BTBD9: variants seen among roughly 807,000 people sequenced by gnomAD.
BTBD9 encodes the protein BTB domain containing 9.
A neutral mutation model predicts 64.3 loss-of-function variants in BTBD9; 49 were observed. The ratio of observed to expected loss-of-function variants is 0.76; its 90% confidence interval spans 0.61 to 0.97. The LOEUF (loss-of-function observed/expected upper bound fraction) is 0.97. Among genes scored for constraint, BTBD9 ranks in the 50% least tolerant of loss-of-function variants. The pLI is 0.00. For synonymous variants in BTBD9, 260 were observed against 274.7 expected, an observed-to-expected ratio of 0.95 and a Z score of 0.53; for missense variants, 598 against 762.1, an observed-to-expected ratio of 0.78 and a Z score of 2.53.
chr6:38,280,407 A>T (rs1408687016), intron 8 of BTBD9, among the ~76,000 whole-genome samples: 1 of 152,222 alleles, frequency 6.6e-6, no homozygotes, highest in African/African-American at 2.4e-5. Context: ...ACAAGGAAGA[A>T]TTCCTTGGTT....
rs1766635117 is a variant in BTBD9 at position 38,168,961 on chromosome 6, G to C, written c.*6024C>G. On this transcript the variant is annotated 3_prime_UTR_variant, in exon 11 of 11. Coordinates refer to ENST00000481247, the MANE Select transcript of BTBD9 (RefSeq NM_001099272.2). Reference sequence around the variant, plus strand: ...AGGACCAGGGAGCGTGTGATGGAGAGATTTCTCACTGTTCTTCTGAGGGGG... The same window carrying C: ...AGGACCAGGGAGCGTGTGATGGAGACATTTCTCACTGTTCTTCTGAGGGGG... The C allele has an allele frequency of 6.6e-6, 1 of 152,376 alleles. No homozygotes were observed. Among genetic ancestry groups the C allele is most frequent in the South Asian group, 2.1e-4 (1 of 4,834 alleles). The allele number at this position is 152,376 out of a possible 1,614,324, so 9.4% of individuals were successfully genotyped here. A position where few individuals can be genotyped will look rare whatever the true frequency, so the allele number is the denominator to read the frequency against.
chr6:38,205,770 G>GCTA (rs1008248547), intron 9 of BTBD9, among the ~76,000 whole-genome samples: 1 of 151,264 alleles, frequency 6.6e-6, no homozygotes, highest in African/African-American at 2.4e-5. Flanking sequence ...TGTACTCCAA[G>GCTA]CTACTCAGGA....
intron 6 of BTBD9, among the ~76,000 whole-genome samples, chr6:38,525,545 G>T (rs190583006): frequency 1.4e-3 from 217 of 152,372 alleles, no homozygotes; most frequent in African/African-American, 4.9e-3. Context: ...GGGCTCAGAA[G>T]AAGACAGGAA....
intron 6 of BTBD9, among the ~76,000 whole-genome samples, chr6:38,563,589 C>T (rs764787921): frequency 4.6e-5 from 7 of 152,182 alleles, no homozygotes; most frequent in African/African-American, 7.2e-5. Flanking sequence ...AGCTCTTTAA[C>T]GTGCCCCACA....
intron 9 of BTBD9, among the ~76,000 whole-genome samples, chr6:38,251,093 AAAT>A (rs554465479): frequency 2.7e-5 from 4 of 149,166 alleles, no homozygotes; most frequent in African/African-American, 7.4e-5. Context: ...GAAAAAAAAA[AAAT>A]AATAATAATA....
intron 7 of BTBD9, among the ~76,000 whole-genome samples, chr6:38,302,425 T>C (rs1361512189): frequency 6.7e-6 from 1 of 150,120 alleles, no homozygotes; most frequent in Non-Finnish European, 1.5e-5. Context: ...TTCTTCCATG[T>C]TGCTGCAAAT....
At chr6:38,608,608 G>T (rs1446164284) in intron 1 of BTBD9, among the ~76,000 whole-genome samples, 2 of 152,152 alleles carry the variant, frequency 1.3e-5, no homozygotes, top group Non-Finnish European at 2.9e-5. Flanking sequence ...TACTGTCTGT[G>T]TAAAGGAAAT....
intron 6 of BTBD9, among the ~76,000 whole-genome samples, chr6:38,522,774 T>C (rs996486036): frequency 1.3e-5 from 2 of 152,174 alleles, no homozygotes; most frequent in African/African-American, 2.4e-5. Flanking sequence ...AATCTAACGA[T>C]GTCTGAAAAG....
At chr6:38,549,559 A>C (rs1398260937) in intron 6 of BTBD9, among the ~76,000 whole-genome samples, 1 of 152,172 alleles carries the variant, frequency 6.6e-6, no homozygotes, top group East Asian at 1.9e-4. Flanking sequence ...GAGAAAAGCA[A>C]TCCAAAATGA....
At chr6:38,436,916 G>A (rs1363947456) in intron 6 of BTBD9, among the ~76,000 whole-genome samples, 1 of 152,184 alleles carries the variant, frequency 6.6e-6, no homozygotes, top group Non-Finnish European at 1.5e-5. Context: ...GATGATGATA[G>A]TTGTAGTCAT....
At chr6:38,361,429 G>T (rs914371984) in intron 6 of BTBD9, among the ~76,000 whole-genome samples, 1 of 152,090 alleles carries the variant, frequency 6.6e-6, no homozygotes, top group Non-Finnish European at 1.5e-5. Flanking sequence ...CATGGCTATA[G>T]TCCTAGCTAC....
chr6:38,265,400 T>C (rs1044188760), intron 8 of BTBD9, among the ~76,000 whole-genome samples: 1 of 151,832 alleles, frequency 6.6e-6, no homozygotes, highest in Non-Finnish European at 1.5e-5. Context: ...TATCTGAAAG[T>C]GGAAAAATAT....
intron 8 of BTBD9, among the ~76,000 whole-genome samples, chr6:38,257,933 T>A (rs1764651796): frequency 6.6e-6 from 1 of 151,744 alleles, no homozygotes; most frequent in African/African-American, 2.4e-5. Context: ...GAGCTATACA[T>A]AAAAGATCTG....
intron 6 of BTBD9, among the ~76,000 whole-genome samples, chr6:38,348,576 C>T (rs533801170): frequency 7.9e-5 from 12 of 152,248 alleles, no homozygotes; most frequent in African/African-American, 1.7e-4. Context: ...TGAGGATGAA[C>T]GCTGTCCACG....
At chr6:38,619,275 C>A (rs1777903950) in intron 1 of BTBD9, among the ~76,000 whole-genome samples, 1 of 152,114 alleles carries the variant, frequency 6.6e-6, no homozygotes, top group Admixed American at 6.5e-5. Flanking sequence ...TTAAACCTGG[C>A]AACCTTGGTA....
At chr6:38,349,052 C>T (rs1489393749) in intron 6 of BTBD9, among the ~76,000 whole-genome samples, 1 of 152,144 alleles carries the variant, frequency 6.6e-6, no homozygotes, top group Non-Finnish European at 1.5e-5. Flanking sequence ...GGACTACAGG[C>T]ATGCACCACC....
At chr6:38,449,016 TAAA>T (rs1243496780) in intron 6 of BTBD9, among the ~76,000 whole-genome samples, 1 of 151,934 alleles carries the variant, frequency 6.6e-6, no homozygotes, top group Non-Finnish European at 1.5e-5. Flanking sequence ...ACAAAGGTCA[TAAA>T]AAAACTGGAA....
intron 6 of BTBD9, among the ~76,000 whole-genome samples, chr6:38,518,211 C>T (rs1392824322): frequency 6.6e-6 from 1 of 152,084 alleles, no homozygotes; most frequent in Non-Finnish European, 1.5e-5. Flanking sequence ...CAGGCATTTT[C>T]ATTAAGGAAT....
At position 38,374,298 on chromosome 6, in the gene BTBD9, T is replaced by TACAC. The variant is rs1562095358; in HGVS notation, c.1155-29206_1155-29205insGTGT. On this transcript the variant is annotated intron_variant, in intron 6 of 10. Transcript: ENST00000481247. ...AAAAAAAAAAGTATATATATATATG[T>TACAC]ATATATATGTATATATATATATATA... is the stretch of plus-strand genomic sequence containing the variant. 3.9e-4 allele frequency among the ~76,000 whole-genome samples: 20 copies of TACAC among 50,816 alleles called. 3 individuals are homozygous for TACAC. The highest frequency in any genetic ancestry group is 3.9e-3 in the African/African-American group (20 of 5,102). The allele number at this position is 50,816 out of a possible 152,430, so 33.3% of individuals were successfully genotyped here. A position where few individuals can be genotyped will look rare whatever the true frequency, so the allele number is the denominator to read the frequency against.
Sources: allele counts gnomAD v4.1 joint callset (sites outside exome capture counted in the v4.1 genomes callset), GRCh38; gene constraint gnomAD v4.1.1; transcripts MANE v1.5; gene names NCBI Gene and HGNC (gene_info 2026-07-23, HGNC 2026-07-21).